IL18RAP: variants seen among roughly 807,000 people sequenced by gnomAD.
The protein encoded by IL18RAP is interleukin-18 receptor accessory protein.
IL18RAP carries 37 observed loss-of-function variants against 58.1 expected under a neutral mutation model. The observed-to-expected ratio is 0.64, with a 90% CI of 0.49 to 0.84. IL18RAP has a LOEUF of 0.84. Among genes scored for constraint, IL18RAP ranks in the 40% least tolerant of loss-of-function variants. The probability of loss-of-function intolerance (pLI) is 0.00; values close to 1 mark genes in which losing one functional copy is unlikely to be tolerated. For synonymous variants in IL18RAP, 268 were observed against 257.5 expected (o/e 1.04, Z -0.39); for missense variants, 667 against 704.8 (o/e 0.95, Z 0.61).
At chr2:102,437,471 A>G in intron 4 of IL18RAP, 109 bp downstream of exon 4, 1 of 1,054,930 alleles carries the variant, frequency 9.5e-7, no homozygotes, top group Non-Finnish European at 1.3e-6. Flanking sequence ...ATAGTCATAT[A>G]CTTGTAATCA....
chr2:102,452,079 A>T lies in IL18RAP; in HGVS notation c.1698A>T (p.Gly566=). The T allele has an allele frequency of 6.2e-7, 1 of 1,614,050 alleles. No homozygotes were observed. Among genetic ancestry groups the T allele is most frequent in the Non-Finnish European group, 8.5e-7 (1 of 1,180,024 alleles). ...ACATGCCTGTGAAAAACTCTCAGGG[A>T]TTCACGTGGAACCAGCTCAGAATTA... ...RYHMPVKNSQ[G]FTWNQLRITS... Residue 566 remains glycine (G), a synonymous_variant, in exon 10 of 10, where the codon GGA becomes GGT. Coordinates refer to ENST00000687160, the MANE Select transcript of IL18RAP (RefSeq NM_001393487.1).
chr2:102,425,534 T>C (rs958400945), intron 3 of IL18RAP, among the ~76,000 whole-genome samples: 15 of 152,184 alleles, frequency 9.9e-5, no homozygotes, highest in African/African-American at 3.6e-4. Context: ...AAAACCCTAA[T>C]TTCAGAAACA....
chr2:102,430,201 C>A (rs1558637102), intron 3 of IL18RAP, among the ~76,000 whole-genome samples: 1 of 151,968 alleles, frequency 6.6e-6, no homozygotes, highest in Admixed American at 6.5e-5. Flanking sequence ...CTATCTCTTT[C>A]TTCATTTAAT....
chr2:102,436,681 G>GA lies in IL18RAP; in HGVS notation c.580-523dup, dbSNP rs34773218. 3.4e-4 allele frequency among the ~76,000 whole-genome samples: 51 copies of GA among 151,506 alleles called. No homozygotes were observed. In the South Asian group the frequency reaches 5.6e-3, roughly 17 times the overall value. Reference sequence around the variant, plus strand: ...TCACTTACCAGCTTTGTCAGAGAGAGAAAAAAAAGCCACTCACGTTCCAGA... The same window carrying GA: ...TCACTTACCAGCTTTGTCAGAGAGAGAAAAAAAAAGCCACTCACGTTCCAGA... On this transcript the variant is annotated intron_variant, in intron 3 of 9. Transcript: ENST00000687160.
chr2:102,440,340 A>G (rs1008018999), intron 4 of IL18RAP: 2 of 152,330 alleles, frequency 1.3e-5, no homozygotes, highest in African/African-American at 4.8e-5. Context: ...AATGCTGCTA[A>G]GAGGTAAAGT....
intron 7 of IL18RAP, among the ~76,000 whole-genome samples, chr2:102,446,795 C>CAAA (rs749884501): frequency 5.0e-5 from 6 of 119,746 alleles, no homozygotes; most frequent in African/African-American, 1.2e-4. Context: ...ACTCCGTCTC[C>CAAA]AAAAAAAAAA....
At chr2:102,447,286 A>G in intron 8 of IL18RAP, 79 bp downstream of exon 8, 1 of 1,484,300 alleles carries the variant, frequency 6.7e-7, no homozygotes, top group Non-Finnish European at 9.2e-7. Context: ...AAATACCATC[A>G]CTACCCCTTG....
chr2:102,423,230 G>A lies in IL18RAP; in HGVS notation c.-48G>A. 8 of 1,555,804 alleles carry A rather than the reference G, an allele frequency of 5.1e-6. No homozygotes were observed. The South Asian group carries it at 7.8e-5, about 15-fold the overall frequency. On this transcript the variant is annotated 5_prime_UTR_variant, in exon 1 of 10. Coordinates refer to ENST00000687160, the MANE Select transcript of IL18RAP (RefSeq NM_001393487.1). ...TCTGAATCTCAAAACACTCTACTCTGGCAAAGGAATGAAGTTATTGGAGTG... is the reference window on the plus strand; with the variant it reads ...TCTGAATCTCAAAACACTCTACTCTAGCAAAGGAATGAAGTTATTGGAGTG...
chr2:102,444,483 T>C (rs1683295125), intron 6 of IL18RAP, among the ~76,000 whole-genome samples: 1 of 152,204 alleles, frequency 6.6e-6, no homozygotes, highest in African/African-American at 2.4e-5. Context: ...GTTATGCCTA[T>C]CACAATGTGT....
At chr2:102,440,862 T>C (rs924919604) in intron 4 of IL18RAP, among the ~76,000 whole-genome samples, 2 of 152,182 alleles carry the variant, frequency 1.3e-5, no homozygotes, top group African/African-American at 4.8e-5. Flanking sequence ...AATTAAGGAC[T>C]GGACTCTTCT....
chr2:102,448,991 G>A (rs1354007830), intron 8 of IL18RAP, among the ~76,000 whole-genome samples: 1 of 146,626 alleles, frequency 6.8e-6, no homozygotes, highest in Non-Finnish European at 1.5e-5. Flanking sequence ...AAAAGTGACC[G>A]GGAGCAGTGG....
At chr2:102,419,039 C>G (rs534424687), upstream of IL18RAP, 1 of 152,196 alleles carries the variant, frequency 6.6e-6, no homozygotes, top group Non-Finnish European at 1.5e-5. Context: ...GTTGCTAATA[C>G]AATTACTTTT....
intron 3 of IL18RAP, chr2:102,432,324 C>T (rs1682426972): frequency 6.5e-6 from 1 of 154,106 alleles, no homozygotes; most frequent in Non-Finnish European, 1.5e-5. Flanking sequence ...TGCAGACTGT[C>T]TTCCCAAATA....
intron 3 of IL18RAP, among the ~76,000 whole-genome samples, chr2:102,430,729 G>A (rs182127328): frequency 3.3e-5 from 5 of 152,070 alleles, no homozygotes. Flanking sequence ...ACACGTTTTT[G>A]TTTTGTGGTT....
rs1261604616 is a variant in IL18RAP, at chr2:102,437,289, T to C, written c.657T>C (p.Tyr219=). The change falls in exon 4 of 10, where the codon TAT becomes TAC. Residue 219 remains tyrosine, a synonymous_variant. Coordinates refer to ENST00000687160, the MANE Select transcript of IL18RAP (RefSeq NM_001393487.1). ...DEVYDYHQGT[Y]VCDYTQSDTV... is the part of the protein sequence containing the mutation. The stretch of plus-strand genomic sequence containing the variant: ...TTTATGACTATCACCAGGGCACATA[T>C]GTATGTGATTACACTCAGTCGGATA... The C allele has an allele frequency of 1.9e-6, 3 of 1,613,764 alleles. No homozygotes were observed. The highest frequency in any genetic ancestry group is 1.1e-5 in the South Asian group (1 of 91,014).
chr2:102,447,785 C>A (rs566580853), intron 8 of IL18RAP, among the ~76,000 whole-genome samples: 20 of 152,066 alleles, frequency 1.3e-4, no homozygotes, highest in African/African-American at 3.9e-4. Context: ...GGCTGGAGTG[C>A]GGTGGCACCA....
intron 9 of IL18RAP, 104 bp from the exon 10 acceptor site, chr2:102,451,662 A>G: frequency 1.1e-6 from 1 of 938,198 alleles, no homozygotes; most frequent in Admixed American, 2.2e-5. Context: ...TGGTAGAGTA[A>G]ACATGTCTCC....
At chr2:102,448,557 G>A (rs901729670) in intron 8 of IL18RAP, among the ~76,000 whole-genome samples, 104 of 152,178 alleles carry the variant, frequency 6.8e-4, no homozygotes, top group African/African-American at 2.2e-3. Flanking sequence ...AGGATTTCAC[G>A]GATAATTATT....
At chr2:102,432,007 T>G (rs6716784) in intron 3 of IL18RAP, among the ~76,000 whole-genome samples, 117,930 of 151,964 alleles carry the variant, frequency 0.78, 46,798 homozygotes, top group African/African-American at 0.9. Context: ...ATAATCATTG[T>G]TCCTTGCATT....
Sources: allele counts gnomAD v4.1 joint callset (sites outside exome capture counted in the v4.1 genomes callset), GRCh38; gene constraint gnomAD v4.1.1; transcripts MANE v1.5; gene names NCBI Gene and HGNC (gene_info 2026-07-23, HGNC 2026-07-21).